Variants in PRKN observed in about 807,000 individuals in gnomAD.
PRKN encodes E3 ubiquitin-protein ligase parkin.
Under a neutral mutation model 59.5 loss-of-function variants are expected in PRKN, and 56 were observed. That is an observed-to-expected ratio of 0.94 (90% CI 0.76 to 1.18). The LOEUF is 1.18. PRKN is among the 50% of genes most tolerant of loss of function. The pLI is 0.00. For missense variants in PRKN, 657 were observed against 596.4 expected (o/e 1.10, Z -1.06); for synonymous variants, 250 against 222.1 (o/e 1.13, Z -1.12).
intron 6 of PRKN, among the ~76,000 whole-genome samples, chr6:161,939,953 C>A (rs1167794366): frequency 6.6e-6 from 1 of 151,332 alleles, no homozygotes; most frequent in South Asian, 2.1e-4. Context: ...GGCTGGAGTG[C>A]GATGGCGCCA....
intron 3 of PRKN, among the ~76,000 whole-genome samples, chr6:162,237,915 G>T (rs887686047): frequency 6.6e-6 from 1 of 152,086 alleles, no homozygotes; most frequent in Non-Finnish European, 1.5e-5. Flanking sequence ...CTTTGTCCCT[G>T]TACATACACG....
intron 7 of PRKN, among the ~76,000 whole-genome samples, chr6:161,651,552 C>G (rs775297316): frequency 3.9e-5 from 6 of 152,162 alleles, no homozygotes; most frequent in African/African-American, 1.4e-4. Flanking sequence ...TGGATACTTA[C>G]CAAGTGTTTC....
intron 1 of PRKN, among the ~76,000 whole-genome samples, chr6:162,452,384 T>C (rs914318687): frequency 6.6e-6 from 1 of 151,474 alleles, no homozygotes; most frequent in Non-Finnish European, 1.5e-5. Context: ...ACATAATTTA[T>C]TTAATGCAGA....
chr6:161,906,354 ACTT>A (rs1377786143), intron 6 of PRKN, among the ~76,000 whole-genome samples: 1 of 152,182 alleles, frequency 6.6e-6, no homozygotes, highest in Admixed American at 6.5e-5. Context: ...GTTGAAAGAA[ACTT>A]CTTCTCAGAA....
At chr6:162,252,595 A>G (rs1779480694) in intron 3 of PRKN, among the ~76,000 whole-genome samples, 1 of 152,230 alleles carries the variant, frequency 6.6e-6, no homozygotes, top group Non-Finnish European at 1.5e-5. Flanking sequence ...GTGCTCTTAC[A>G]GAAGATGCCC....
At chr6:161,732,172 C>T (rs770080242) in intron 7 of PRKN, among the ~76,000 whole-genome samples, 7 of 151,692 alleles carry the variant, frequency 4.6e-5, no homozygotes, top group East Asian at 1.9e-4. Context: ...CTGGAACCTC[C>T]GCCTCCTGGG....
chr6:162,098,111 CT>C (rs1779818431), intron 4 of PRKN, among the ~76,000 whole-genome samples: 1 of 152,084 alleles, frequency 6.6e-6, no homozygotes, highest in Non-Finnish European at 1.5e-5. Context: ...CCATCTTTTT[CT>C]TTTCTTTTTT....
intron 1 of PRKN, among the ~76,000 whole-genome samples, chr6:162,450,212 G>A (rs761502560): frequency 6.6e-6 from 1 of 151,724 alleles, no homozygotes; most frequent in African/African-American, 2.4e-5. Flanking sequence ...TGCTCAAGGA[G>A]GTGAAGTATA....
chr6:162,312,927 A>G (rs1266099916), intron 2 of PRKN, among the ~76,000 whole-genome samples: 1 of 152,126 alleles, frequency 6.6e-6, no homozygotes, highest in Non-Finnish European at 1.5e-5. Context: ...AAAGAAATGT[A>G]CACTAGATGC....
chr6:161,477,055 G>A (rs1330627882), intron 9 of PRKN, among the ~76,000 whole-genome samples: 1 of 152,194 alleles, frequency 6.6e-6, no homozygotes, highest in East Asian at 1.9e-4. Context: ...GTATCCTGAG[G>A]AAAAGCCAAC....
At chr6:161,725,937 T>C (rs1464008457) in intron 7 of PRKN, among the ~76,000 whole-genome samples, 1 of 152,220 alleles carries the variant, frequency 6.6e-6, no homozygotes, top group East Asian at 1.9e-4. Flanking sequence ...ACAGCAGCTC[T>C]GAGTTTTGTC....
At chr6:161,981,733 A>G (rs1781265131) in intron 5 of PRKN, among the ~76,000 whole-genome samples, 1 of 152,222 alleles carries the variant, frequency 6.6e-6, no homozygotes, top group Non-Finnish European at 1.5e-5. Flanking sequence ...TTCTGATACA[A>G]AGTAACTATG....
At chr6:161,606,853 G>A (rs1018010047) in intron 7 of PRKN, among the ~76,000 whole-genome samples, 2 of 152,202 alleles carry the variant, frequency 1.3e-5, no homozygotes, top group African/African-American at 2.4e-5. Flanking sequence ...CCCAGCCTAT[G>A]AAGCTGGCAA....
At chr6:161,953,141 T>TTG (rs1780048575) in intron 6 of PRKN, among the ~76,000 whole-genome samples, 1 of 152,184 alleles carries the variant, frequency 6.6e-6, no homozygotes, top group Non-Finnish European at 1.5e-5. Flanking sequence ...AGATGGAGTC[T>TTG]TGCTCTGTTG....
At chr6:162,602,983 G>C (rs1781769610) in intron 1 of PRKN, among the ~76,000 whole-genome samples, 1 of 152,116 alleles carries the variant, frequency 6.6e-6, no homozygotes, top group Non-Finnish European at 1.5e-5. Context: ...CCATCACAAG[G>C]ACCGCACAGG....
In PRKN at chr6:162,467,418, C is replaced by T. The variant is rs943049775; in HGVS notation, c.8-23945G>A. On this transcript the variant is annotated intron_variant, in intron 1 of 11. Coordinates refer to ENST00000366898, the MANE Select transcript of PRKN (RefSeq NM_004562.3). ...CATCAGTGACTGCCCCCACTCCACC[C>T]GCTCCTCATCCAGCCTCCACTGAAT... is the stretch of plus-strand genomic sequence containing the variant. Among the ~76,000 whole-genome samples the T allele has an allele frequency of 9.2e-5, 14 of 152,226 alleles. No individual in the cohort carries two copies. In the East Asian group the frequency reaches 9.7e-4, roughly 11 times the overall value.
At chr6:161,674,550 AT>A (rs1485952821) in intron 7 of PRKN, among the ~76,000 whole-genome samples, 1 of 152,150 alleles carries the variant, frequency 6.6e-6, no homozygotes, top group Non-Finnish European at 1.5e-5. Context: ...TCTTAGAACT[AT>A]AATTTTTTAA....
intron 4 of PRKN, among the ~76,000 whole-genome samples, chr6:162,192,603 C>T (rs1348098697): frequency 6.6e-6 from 1 of 151,224 alleles, no homozygotes; most frequent in Non-Finnish European, 1.5e-5. Flanking sequence ...CAGGCACATG[C>T]TACCACGCCC....
intron 7 of PRKN, among the ~76,000 whole-genome samples, chr6:161,710,217 TTA>T (rs1786680310): frequency 6.6e-6 from 1 of 152,078 alleles, no homozygotes; most frequent in Non-Finnish European, 1.5e-5. Context: ...CTAGATAATC[TTA>T]TGTCATCCTT....
Sources: allele counts gnomAD v4.1 joint callset (sites outside exome capture counted in the v4.1 genomes callset), GRCh38; gene constraint gnomAD v4.1.1; transcripts MANE v1.5; gene names NCBI Gene and HGNC (gene_info 2026-07-23, HGNC 2026-07-21).